BRAP: variants seen among roughly 807,000 people sequenced by gnomAD.
BRAP encodes the protein BRCA1 associated protein, also known as BRCA1-associated protein.
In BRAP, 42 loss-of-function variants were observed where a neutral mutation model predicts 73.4. That is an observed-to-expected ratio of 0.57 (90% CI 0.45 to 0.74). The LOEUF (loss-of-function observed/expected upper bound fraction) is 0.74. Ranked by LOEUF, BRAP falls within the 30% of genes least tolerant of loss-of-function variation. The pLI is 0.00. For missense variants in BRAP, 593 were observed against 751.4 expected, an observed-to-expected ratio of 0.79 and a Z score of 2.46; for synonymous variants, 255 against 267.4, an observed-to-expected ratio of 0.95 and a Z score of 0.45.
chr12:111,672,525 T>C, intron 5 of BRAP, 136 bp downstream of exon 5: 1 of 705,468 alleles, frequency 1.4e-6, no homozygotes, highest in African/African-American at 1.8e-5. Flanking sequence ...ATTCGTCTCT[T>C]CCTGCCCTGA....
intron 6 of BRAP, among the ~76,000 whole-genome samples, chr12:111,663,125 T>C (rs1463877570): frequency 6.6e-6 from 1 of 152,134 alleles, no homozygotes; most frequent in African/African-American, 2.4e-5. Flanking sequence ...TAGCATTCTA[T>C]GATATACTAC....
chr12:111,655,520 C>T, intron 10 of BRAP, 46 bp downstream of exon 10: 1 of 1,494,468 alleles, frequency 6.7e-7, no homozygotes. Flanking sequence ...ATCAGAGTGC[C>T]CTGCCATGTG....
At chr12:111,655,474 T>C (rs924775004) in intron 10 of BRAP, 92 bp downstream of exon 10, 22 of 1,016,532 alleles carry the variant, frequency 2.2e-5, no homozygotes, top group Non-Finnish European at 3.2e-5. Context: ...GATGGTAAGA[T>C]TCCTCTTTCC....
Position 111,644,466 on chromosome 12 carries a change from C to A in BRAP, c.1512G>T (p.Leu504=). The A allele has an allele frequency of 6.2e-7, 1 of 1,614,110 alleles. No individual in the cohort carries two copies. Among genetic ancestry groups the A allele is most frequent in the Non-Finnish European group, 8.5e-7 (1 of 1,180,010 alleles). ...NKCLRANQVL[L]QNKLKEEERV... is the part of the protein sequence containing the mutation. ...TCTCCTCCTCTTTTAGCTTGTTCTG[C>A]AGGAGGACTTGGTTGGCTCGCAAAC... Residue 504 remains leucine (L), a synonymous_variant, in exon 12 of 12, where the codon CTG becomes CTT. Coordinates refer to ENST00000419234, the MANE Select transcript of BRAP (RefSeq NM_006768.5).
chr12:111,667,881 G>A (rs1887017461), intron 5 of BRAP, among the ~76,000 whole-genome samples: 1 of 151,852 alleles, frequency 6.6e-6, no homozygotes, highest in African/African-American at 2.4e-5. Context: ...TGGTCAACAT[G>A]TATACATTTA....
chr12:111,677,655 T>C (rs1887437162), intron 4 of BRAP, among the ~76,000 whole-genome samples: 1 of 152,154 alleles, frequency 6.6e-6, no homozygotes, highest in South Asian at 2.1e-4. Context: ...ATCCTTATTA[T>C]TACATGTGCT....
intron 3 of BRAP, among the ~76,000 whole-genome samples, chr12:111,679,876 CAAAAAAAAAAAA>C (rs398044813): frequency 7.8e-4 from 56 of 72,092 alleles, no homozygotes; most frequent in African/African-American, 3.3e-3. Flanking sequence ...GACTCCATCT[CAAAAAAAAAAAA>C]AAAAAAAAAA....
chr12:111,672,143 T>G (rs1467425927), intron 5 of BRAP, among the ~76,000 whole-genome samples: 1 of 152,132 alleles, frequency 6.6e-6, no homozygotes, highest in Non-Finnish European at 1.5e-5. Flanking sequence ...AGACAGAGGC[T>G]GCAGTGAGCC....
At position 111,642,312 on chromosome 12, in the gene BRAP, G is replaced by A. The variant is rs909560411; in HGVS notation, c.*1887C>T. On this transcript the variant is annotated 3_prime_UTR_variant, in exon 12 of 12. Coordinates refer to ENST00000419234, the MANE Select transcript of BRAP (RefSeq NM_006768.5). ...TAAAAAAAAATTTTTTTTTCTTTAC[G>A]TATCTTGGTAAGATTTTTTTTTTTT... The A allele has an allele frequency of 2.0e-5, 3 of 151,186 alleles. No homozygotes were observed. The highest frequency in any genetic ancestry group is 7.3e-5 in the African/African-American group (3 of 41,152). The allele number at this position is 151,186 out of a possible 1,614,324, so 9.4% of individuals were successfully genotyped here.
intron 4 of BRAP, among the ~76,000 whole-genome samples, chr12:111,674,142 C>A (rs1396039967): frequency 1.3e-5 from 2 of 152,218 alleles, no homozygotes; most frequent in Non-Finnish European, 2.9e-5. Context: ...TGCCTGTCCA[C>A]CCTCACAAGG....
chr12:111,647,188 T>G (rs1294306490), intron 11 of BRAP, among the ~76,000 whole-genome samples: 1 of 152,176 alleles, frequency 6.6e-6, no homozygotes, highest in Admixed American at 6.5e-5. Context: ...GGAGGACCAC[T>G]TGAGCCCAGT....
Position 111,649,971 on chromosome 12 carries a change from A to G in BRAP, c.1383T>C (p.Asp461=). 1 of 1,611,532 alleles carries G rather than the reference A, an allele frequency of 6.2e-7. No individual in the cohort carries two copies. ...CCACAGACTGCTTTTCTTTTAGGAG[A>G]TCATTTAGTTTGTGCTCTAGATTAT... ...KCDNLEHKLN[D]LLKEKQSVER... Residue 461 remains aspartate (D), a synonymous_variant, in exon 11 of 12, where the codon GAT becomes GAC. Coordinates refer to ENST00000419234, the MANE Select transcript of BRAP (RefSeq NM_006768.5).
intron 4 of BRAP, among the ~76,000 whole-genome samples, chr12:111,676,953 C>T (rs1246387812): frequency 1.3e-5 from 2 of 152,122 alleles, no homozygotes; most frequent in African/African-American, 4.8e-5. Flanking sequence ...AATAATACAA[C>T]TCATGATACC....
At position 111,660,585 on chromosome 12, in the gene BRAP, T is replaced by C; in HGVS notation, c.972+15A>G. 6.3e-7 allele frequency: 1 copy of C among 1,589,234 alleles called. No homozygotes were observed. The highest frequency in any genetic ancestry group is 2.3e-5 in the East Asian group (1 of 43,840). On this transcript the variant is annotated intron_variant, in intron 7 of 11. Transcript: ENST00000419234. ...AAGCTGCATTCTTTGTTCTTTTCCA[T>C]CACCCATTACTTACTTCCTGAACAC... is the stretch of plus-strand genomic sequence containing the variant.
intron 4 of BRAP, among the ~76,000 whole-genome samples, 160 bp downstream of exon 4, chr12:111,678,991 C>A (rs1887492983): frequency 6.6e-6 from 1 of 151,872 alleles, no homozygotes; most frequent in Non-Finnish European, 1.5e-5. Flanking sequence ...TGTATTTCTG[C>A]TAATGAATTT....
chr12:111,682,702 A>C (rs1887651717), intron 2 of BRAP, among the ~76,000 whole-genome samples: 1 of 152,038 alleles, frequency 6.6e-6, no homozygotes, highest in African/African-American at 2.4e-5. Flanking sequence ...ACTTGAGACC[A>C]GGAGTATGAG....
At chr12:111,650,576 A>G (rs1173459843) in intron 10 of BRAP, among the ~76,000 whole-genome samples, 2 of 151,782 alleles carry the variant, frequency 1.3e-5, no homozygotes, top group Non-Finnish European at 2.9e-5. Flanking sequence ...TAATTTTTCT[A>G]TTTTTTAGTA....
chr12:111,659,590 G>A (rs543989268), intron 7 of BRAP, among the ~76,000 whole-genome samples: 132 of 152,202 alleles, frequency 8.7e-4, no homozygotes, highest in African/African-American at 3.1e-3. Context: ...GGAGGTGGAG[G>A]TTGCAGTGAC....
chr12:111,650,436 T>C (rs1886273734), intron 10 of BRAP, among the ~76,000 whole-genome samples: 2 of 152,290 alleles, frequency 1.3e-5, no homozygotes, highest in East Asian at 3.9e-4. Flanking sequence ...CGGCTAATTT[T>C]TGTATTTTTA....
Sources: allele counts gnomAD v4.1 joint callset (sites outside exome capture counted in the v4.1 genomes callset), GRCh38; gene constraint gnomAD v4.1.1; transcripts MANE v1.5; gene names NCBI Gene and HGNC (gene_info 2026-07-23, HGNC 2026-07-21).